The following CCDC77 variants were observed in gnomAD, a reference collection of about 807,000 sequenced individuals.
CCDC77 encodes coiled-coil domain-containing protein 77.
CCDC77 carries 56 observed loss-of-function variants against 66.8 expected under a neutral mutation model. The observed-to-expected ratio is 0.84, with a 90% confidence interval of 0.68 to 1.05. The LOEUF (loss-of-function observed/expected upper bound fraction) is 1.05, where lower values mean the gene tolerates loss of function less well. Ranked by LOEUF, CCDC77 falls within the 50% of genes least tolerant of loss-of-function variation. The probability of loss-of-function intolerance (pLI) is 0.00; values close to 1 mark genes in which losing one functional copy is unlikely to be tolerated. For missense variants in CCDC77, 570 were observed against 576.8 expected (o/e 0.99, Z 0.12); for synonymous variants, 196 against 195.2 (o/e 1.00, Z -0.03).
At position 409,227 on chromosome 12, in the gene CCDC77, A is replaced by G. The variant is rs1208113309; in HGVS notation, c.-16-141A>G. 7.6e-6 allele frequency: 5 copies of G among 656,256 alleles called. No homozygotes were observed. The East Asian group carries it at 1.1e-4, about 15-fold the overall frequency. The allele number at this position is 656,256 out of a possible 1,614,324, so 40.7% of individuals were successfully genotyped here. A position where few individuals can be genotyped will look rare whatever the true frequency, so the allele number is the denominator to read the frequency against. ...CACTGTCTCAAAAAAAAAAAAAAGA[A>G]AAAAAAAACTACATTTTAAAACATC... On this transcript the variant is annotated intron_variant, in intron 2 of 12. Transcript: ENST00000239830.
chr12:435,261 C>T (rs533558099), intron 9 of CCDC77, among the ~76,000 whole-genome samples: 3 of 150,370 alleles, frequency 2.0e-5, no homozygotes, highest in African/African-American at 2.5e-5. Flanking sequence ...CTCCCATCCC[C>T]GTCTCAAGCC....
intron 3 of CCDC77, among the ~76,000 whole-genome samples, chr12:410,754 C>T (rs1281001240): frequency 6.6e-6 from 1 of 152,062 alleles, no homozygotes; most frequent in Non-Finnish European, 1.5e-5. Flanking sequence ...CTATGTTGGC[C>T]AGGCTGGTCT....
intron 3 of CCDC77, among the ~76,000 whole-genome samples, chr12:410,429 G>A (rs1945084378): frequency 6.6e-6 from 1 of 151,384 alleles, no homozygotes; most frequent in East Asian, 1.9e-4. Context: ...CACCAGGCCC[G>A]GCTGATTTTT....
At chr12:428,458 C>T (rs1191531493) in intron 5 of CCDC77, among the ~76,000 whole-genome samples, 2 of 141,700 alleles carry the variant, frequency 1.4e-5, no homozygotes, top group African/African-American at 2.7e-5. Context: ...TTGCAGTGAG[C>T]CAAGACCGCA....
chr12:410,928 T>C (rs906450336), intron 3 of CCDC77, among the ~76,000 whole-genome samples: 1 of 152,140 alleles, frequency 6.6e-6, no homozygotes, highest in Non-Finnish European at 1.5e-5. Context: ...TTAAATTATC[T>C]TTTTCGTCTC....
At chr12:433,643 C>G (rs1420495831) in intron 9 of CCDC77, among the ~76,000 whole-genome samples, 1 of 148,114 alleles carries the variant, frequency 6.8e-6, no homozygotes, top group Admixed American at 6.6e-5. Flanking sequence ...CAGAGTGAGA[C>G]CCTGTCTCAA....
At chr12:417,859 GC>G (rs1392402008) in intron 4 of CCDC77, among the ~76,000 whole-genome samples, 1 of 151,826 alleles carries the variant, frequency 6.6e-6, no homozygotes, top group Non-Finnish European at 1.5e-5. Flanking sequence ...CTAAGATCAT[GC>G]CACCGCATTC....
intron 6 of CCDC77, among the ~76,000 whole-genome samples, chr12:430,455 C>A (rs964427979): frequency 1.3e-5 from 2 of 152,182 alleles, no homozygotes; most frequent in African/African-American, 4.8e-5. Context: ...CCACACCTGG[C>A]CTACCTTTTT....
chr12:416,867 G>GGAGGCC (rs1234868761), intron 4 of CCDC77, among the ~76,000 whole-genome samples: 1 of 150,240 alleles, frequency 6.7e-6, no homozygotes, highest in African/African-American at 2.4e-5. Context: ...CAGCACTTTG[G>GGAGGCC]GAGGCCGAGG....
intron 4 of CCDC77, among the ~76,000 whole-genome samples, chr12:416,017 G>T (rs1173124492): frequency 6.6e-6 from 1 of 151,752 alleles, no homozygotes; most frequent in African/African-American, 2.4e-5. Context: ...TGTTGGCCAG[G>T]GTGGTCTTGA....
rs1260469492 is a variant in CCDC77, at chr12:418,636, G to C, written c.413G>C (p.Arg138Thr). 1.2e-6 allele frequency: 2 copies of C among 1,612,128 alleles called. No homozygotes were observed. The highest frequency in any genetic ancestry group is 2.7e-5 in the African/African-American group (2 of 74,962). ...LYSENDRLRI[R>T]ELEDKKKIQN... ...TCAGAAAATGACCGACTGAGAATCA[G>C]GTACCAAATAGGAGAAGGGAAATGT... Residue 138 changes from arginine (R) to threonine (T), a missense_variant and splice_region_variant, in exon 5 of 13, where the codon AGG (arginine) becomes ACG (threonine). Transcript: ENST00000239830.
chr12:426,429 A>C (rs1295466150), intron 5 of CCDC77, among the ~76,000 whole-genome samples: 1 of 152,106 alleles, frequency 6.6e-6, no homozygotes, highest in South Asian at 2.1e-4. Context: ...TCCAGAATCC[A>C]TCTGGTTTTG....
At chr12:412,228 T>A (rs1945126124) in intron 4 of CCDC77, among the ~76,000 whole-genome samples, 2 of 152,168 alleles carry the variant, frequency 1.3e-5, no homozygotes, top group African/African-American at 4.8e-5. Flanking sequence ...TGTACCTGAG[T>A]AGTCCTTAAC....
intron 2 of CCDC77, among the ~76,000 whole-genome samples, chr12:408,438 A>G (rs1168891717): frequency 6.6e-6 from 1 of 152,110 alleles, no homozygotes; most frequent in Non-Finnish European, 1.5e-5. Flanking sequence ...TAATAGAGAA[A>G]GTACGCGAAA....
intron 8 of CCDC77, among the ~76,000 whole-genome samples, chr12:432,680 G>A (rs1945674815): frequency 6.6e-6 from 1 of 152,166 alleles, no homozygotes. Flanking sequence ...TTTGTGTGTT[G>A]TAGATGCTGG....
chr12:442,200 G>A lies in CCDC77; in HGVS notation c.*280G>A. ...TTATTTATCCTGTCTGTATTGACCG[G>A]TTTTTGTTTTTTCAGAAGGCAGTGA... On this transcript the variant is annotated 3_prime_UTR_variant, in exon 13 of 13. Transcript: ENST00000239830. The A allele has an allele frequency of 4.0e-6, 1 of 250,958 alleles. No individual in the cohort carries two copies. 15.5% of individuals were successfully genotyped at this position (250,958 alleles called of 1,614,324 possible). A position where few individuals can be genotyped will look rare whatever the true frequency, so the allele number is the denominator to read the frequency against.
At chr12:439,724 G>C (rs1484339622) in intron 10 of CCDC77, among the ~76,000 whole-genome samples, 1 of 151,528 alleles carries the variant, frequency 6.6e-6, no homozygotes, top group Non-Finnish European at 1.5e-5. Context: ...AGGTTGCAGT[G>C]AGCCGAGATC....
chr12:414,148 A>G (rs1253261728), intron 4 of CCDC77, among the ~76,000 whole-genome samples: 1 of 149,424 alleles, frequency 6.7e-6, no homozygotes, highest in African/African-American at 2.5e-5. Flanking sequence ...CTGGAGTGCA[A>G]TGGCACAATC....
upstream of CCDC77, among the ~76,000 whole-genome samples, chr12:400,205 T>C (rs982109992): frequency 6.6e-6 from 1 of 152,244 alleles, no homozygotes. Flanking sequence ...TATTGAAGAG[T>C]TAGGACTTTG....
Sources: allele counts gnomAD v4.1 joint callset (sites outside exome capture counted in the v4.1 genomes callset), GRCh38; gene constraint gnomAD v4.1.1; transcripts MANE v1.5; gene names NCBI Gene and HGNC (gene_info 2026-07-23, HGNC 2026-07-21).